The following AKAP13 variants were observed in gnomAD, a reference collection of about 807,000 sequenced individuals.
The protein encoded by AKAP13 is A-kinase anchoring protein 13.
In AKAP13, 80 loss-of-function variants were observed where a neutral mutation model predicts 264.5. The ratio of observed to expected loss-of-function variants is 0.30; its 90% CI spans 0.25 to 0.36. The LOEUF is 0.36. Ranked by LOEUF, AKAP13 falls within the 10% of genes least tolerant of loss-of-function variation. The pLI is 1.00. For synonymous variants in AKAP13, 1,380 were observed against 1,250.2 expected (o/e 1.10, Z -2.19); for missense variants, 3,712 against 3,435.2 (o/e 1.08, Z -2.01).
At chr15:85,484,671 A>G (rs1315808215) in intron 1 of AKAP13, among the ~76,000 whole-genome samples, 1 of 152,150 alleles carries the variant, frequency 6.6e-6, no homozygotes, top group Non-Finnish European at 1.5e-5. Flanking sequence ...ACACAACTTG[A>G]TCTGTGAGGA....
intron 1 of AKAP13, among the ~76,000 whole-genome samples, chr15:85,410,443 T>A (rs1043129040): frequency 2.0e-5 from 3 of 151,672 alleles, no homozygotes; most frequent in African/African-American, 7.3e-5. Context: ...AAAACACCTT[T>A]CAGGGGCTTT....
At chr15:85,726,690 C>T (rs2087635133) in intron 27 of AKAP13, among the ~76,000 whole-genome samples, 1 of 152,144 alleles carries the variant, frequency 6.6e-6, no homozygotes, top group Non-Finnish European at 1.5e-5. Context: ...TCACAGTCTT[C>T]TTTTAGTGTC....
intron 1 of AKAP13, among the ~76,000 whole-genome samples, chr15:85,477,848 T>G (rs1002118863): frequency 6.6e-6 from 1 of 152,158 alleles, no homozygotes; most frequent in African/African-American, 2.4e-5. Context: ...CTTTGAGGTA[T>G]GTGGATTGAC....
At chr15:85,607,016 G>A (rs1233726155) in intron 8 of AKAP13, among the ~76,000 whole-genome samples, 2 of 151,452 alleles carry the variant, frequency 1.3e-5, no homozygotes, top group Admixed American at 6.6e-5. Context: ...ATAAATATCT[G>A]TCGTTTCTTC....
At chr15:85,477,870 T>C (rs541750180) in intron 1 of AKAP13, among the ~76,000 whole-genome samples, 7 of 152,286 alleles carry the variant, frequency 4.6e-5, no homozygotes, top group African/African-American at 9.6e-5. Flanking sequence ...TGGATGCCTC[T>C]TGTGACTCCT....
intron 14 of AKAP13, among the ~76,000 whole-genome samples, chr15:85,680,036 TACTC>T (rs1422135923): frequency 1.3e-5 from 2 of 152,248 alleles, no homozygotes; most frequent in Non-Finnish European, 2.9e-5. Context: ...ATTCTCCTAG[TACTC>T]AATCACATAT....
intron 6 of AKAP13, 74 bp from the exon 7 acceptor site, chr15:85,578,856 A>G: frequency 7.0e-7 from 1 of 1,434,978 alleles, no homozygotes; most frequent in South Asian, 1.3e-5. Flanking sequence ...GTCCAACAGA[A>G]TTTTTGCTCA....
rs368665312 is a variant in AKAP13, at chr15:85,405,984, T to C, written c.-12+25186T>C. ...TGCTTCAGCTTCTTGAGTAGCTGCATCTACAGGCATGTGCCACCATGCCCA... is the reference window on the plus strand; with the variant it reads ...TGCTTCAGCTTCTTGAGTAGCTGCACCTACAGGCATGTGCCACCATGCCCA... On this transcript the variant is annotated intron_variant, in intron 1 of 36. Coordinates refer to ENST00000394518, the MANE Select transcript of AKAP13 (RefSeq NM_007200.5). Among the ~76,000 whole-genome samples, 22 of 152,208 alleles carry C rather than the reference T, an allele frequency of 1.4e-4. No homozygotes were observed. In the East Asian group the frequency reaches 3.7e-3, roughly 25 times the overall value.
At chr15:85,391,189 A>C (rs2070837223) in intron 1 of AKAP13, among the ~76,000 whole-genome samples, 1 of 152,242 alleles carries the variant, frequency 6.6e-6, no homozygotes, top group African/African-American at 2.4e-5. Flanking sequence ...GACCTAAAAC[A>C]ATTATCTTGC....
intron 7 of AKAP13, chr15:85,582,794 C>A: frequency 1.2e-6 from 1 of 844,072 alleles, no homozygotes; most frequent in Non-Finnish European, 1.4e-6. Context: ...AGACCCTGCA[C>A]AGTGCAGGGG....
intron 1 of AKAP13, 125 bp downstream of exon 1, chr15:85,380,923 C>T (rs920391703): frequency 2.6e-5 from 2 of 77,064 alleles, no homozygotes; most frequent in African/African-American, 5.0e-5. Flanking sequence ...GCGGGGGCTG[C>T]GGGGGTTTCG....
At chr15:85,626,329 C>G (rs1326788086) in intron 8 of AKAP13, among the ~76,000 whole-genome samples, 1 of 152,188 alleles carries the variant, frequency 6.6e-6, no homozygotes, top group Non-Finnish European at 1.5e-5. Context: ...TGTTATATAA[C>G]CATCCCACCA....
At position 85,678,632 on chromosome 15, in the gene AKAP13, C is replaced by T. The variant is rs190191324; in HGVS notation, c.5102-3526C>T. On this transcript the variant is annotated intron_variant, in intron 14 of 36. Coordinates refer to ENST00000394518, the MANE Select transcript of AKAP13 (RefSeq NM_007200.5). ...ATCCCAGCACTTTGGGAGGCCGAGG[C>T]GGGCGGATCACTTGAGGTCAGGAGT... Among the ~76,000 whole-genome samples the T allele has an allele frequency of 2.7e-3, 412 of 152,040 alleles. 1 individual carries two copies. Among genetic ancestry groups the T allele is most frequent in the East Asian group, 0.01 (54 of 5,166 alleles).
intron 2 of AKAP13, among the ~76,000 whole-genome samples, chr15:85,494,968 C>T (rs571308843): frequency 6.6e-6 from 1 of 151,942 alleles, no homozygotes; most frequent in African/African-American, 2.4e-5. Context: ...ATTATACTGT[C>T]TTTATGGATT....
At chr15:85,396,425 G>C (rs1320800892) in intron 1 of AKAP13, among the ~76,000 whole-genome samples, 1 of 152,088 alleles carries the variant, frequency 6.6e-6, no homozygotes, top group Non-Finnish European at 1.5e-5. Flanking sequence ...ACAGTAGAAC[G>C]GTAGAATTGA....
intron 29 of AKAP13, among the ~76,000 whole-genome samples, chr15:85,730,217 C>G (rs2087902795): frequency 6.6e-6 from 1 of 152,140 alleles, no homozygotes; most frequent in Non-Finnish European, 1.5e-5. Context: ...TGGACAGAAG[C>G]TAGAGAGTAG....
intron 23 of AKAP13, among the ~76,000 whole-genome samples, chr15:85,721,438 T>C (rs747465355): frequency 2.0e-5 from 3 of 152,206 alleles, no homozygotes; most frequent in Non-Finnish European, 4.4e-5. Context: ...AGAAATTCAT[T>C]GATTTAGTGC....
intron 4 of AKAP13, chr15:85,536,060 C>G (rs2077387560): frequency 6.6e-6 from 1 of 152,216 alleles, no homozygotes; most frequent in Admixed American, 6.5e-5. Flanking sequence ...CCTCAGCCTC[C>G]CAAAGTGCTA....
chr15:85,633,369 G>T (rs1188257115), intron 8 of AKAP13, among the ~76,000 whole-genome samples: 2 of 44,408 alleles, frequency 4.5e-5, no homozygotes, highest in African/African-American at 1.2e-4. Context: ...TAATAGGGGC[G>T]GGGGGGGAGT....
Sources: gnomAD v4.1 joint callset for allele counts (sites outside exome capture counted in the v4.1 genomes callset) on GRCh38, gnomAD v4.1.1 for gene constraint, MANE v1.5 for transcripts, NCBI Gene and HGNC (gene_info 2026-07-23, HGNC 2026-07-21) for gene names.